SMCO4: variants seen among roughly 807,000 people sequenced by gnomAD.
SMCO4 encodes the protein single-pass membrane protein with coiled-coil domains 4, also known as single-pass membrane and coiled-coil domain-containing protein 4.
SMCO4 carries 4 observed loss-of-function variants against 3.6 expected under a neutral mutation model. That is an observed-to-expected ratio of 1.11 (90% CI 0.54 to 2.53). The LOEUF (loss-of-function observed/expected upper bound fraction) is 2.53. Ranked by LOEUF, SMCO4 falls within the 30% of genes most tolerant of loss-of-function variation. The pLI is 0.02. For synonymous variants in SMCO4, 36 were observed against 35.3 expected, an observed-to-expected ratio of 1.02 and a Z score of -0.07; for missense variants, 70 against 80.8, an observed-to-expected ratio of 0.87 and a Z score of 0.51.
At chr11:93,482,796 G>A (rs16834) in intron 2 of SMCO4, among the ~76,000 whole-genome samples, 45,261 of 152,136 alleles carry the variant, frequency 0.3, 7,174 homozygotes, top group Non-Finnish European at 0.34. Context: ...TCTGTCTTCC[G>A]GTAGCTTGTG....
intron 1 of SMCO4, among the ~76,000 whole-genome samples, chr11:93,500,280 T>C (rs1948822153): frequency 1.3e-5 from 2 of 152,226 alleles, no homozygotes; most frequent in African/African-American, 4.8e-5. Context: ...GTTGCTCCAC[T>C]GGGCCAGATG....
intron 2 of SMCO4, among the ~76,000 whole-genome samples, chr11:93,483,114 G>A (rs368342887): frequency 1.5e-3 from 231 of 152,228 alleles, no homozygotes; most frequent in Non-Finnish European, 2.0e-3. Flanking sequence ...GGGTGGCTCC[G>A]TACTGTGAGG....
chr11:93,497,802 C>T (rs878993348), intron 2 of SMCO4, among the ~76,000 whole-genome samples: 3 of 152,184 alleles, frequency 2.0e-5, no homozygotes, highest in African/African-American at 7.2e-5. Flanking sequence ...AATCTGCCGA[C>T]GTGTGTCAAA....
intron 1 of SMCO4, among the ~76,000 whole-genome samples, chr11:93,533,089 C>T (rs1263674268): frequency 1.3e-5 from 2 of 152,254 alleles, no homozygotes; most frequent in East Asian, 3.9e-4. Flanking sequence ...TTCAGAGACA[C>T]GAGAGCCAGG....
At chr11:93,533,473 A>G (rs1949182328) in intron 1 of SMCO4, among the ~76,000 whole-genome samples, 1 of 152,200 alleles carries the variant, frequency 6.6e-6, no homozygotes, top group Non-Finnish European at 1.5e-5. Context: ...AACTCCCCAG[A>G]GCACAGAGAG....
At chr11:93,529,798 C>T (rs1002679273) in intron 1 of SMCO4, among the ~76,000 whole-genome samples, 1 of 152,226 alleles carries the variant, frequency 6.6e-6, no homozygotes, top group Non-Finnish European at 1.5e-5. Context: ...TGAGGGCCAG[C>T]CTCCGCCTGG....
intron 1 of SMCO4, chr11:93,535,653 T>G (rs1288163094): frequency 1.2e-6 from 2 of 1,603,518 alleles, no homozygotes; most frequent in African/African-American, 1.3e-5. Context: ...GAGCTACCGA[T>G]GGGAAAAAGA....
At chr11:93,528,868 C>T (rs75902017) in intron 1 of SMCO4, among the ~76,000 whole-genome samples, 148 of 152,316 alleles carry the variant, frequency 9.7e-4, no homozygotes, top group African/African-American at 3.5e-3. Flanking sequence ...ATGCCGCCTA[C>T]TCAGAGCCCA....
chr11:93,547,587 G>A (rs748815967), upstream of SMCO4, among the ~76,000 whole-genome samples: 1 of 152,196 alleles, frequency 6.6e-6, no homozygotes, highest in African/African-American at 2.4e-5. Flanking sequence ...GACTGCGTTT[G>A]CTTGCCCACT....
intron 2 of SMCO4, among the ~76,000 whole-genome samples, chr11:93,496,092 G>A (rs1026390151): frequency 6.6e-6 from 1 of 152,170 alleles, no homozygotes; most frequent in Non-Finnish European, 1.5e-5. Context: ...TCACCAACAG[G>A]TTTCAAGCAA....
At chr11:93,534,375 T>TATATATATATAGAGAGAG (rs369643237) in intron 1 of SMCO4, among the ~76,000 whole-genome samples, 1 of 142,132 alleles carries the variant, frequency 7.0e-6, no homozygotes, top group African/African-American at 2.6e-5. Flanking sequence ...TATATATATA[T>TATATATATATAGAGAGAG]AGAGAGAGAG....
intron 1 of SMCO4, among the ~76,000 whole-genome samples, chr11:93,534,029 A>T (rs1209522493): frequency 6.6e-6 from 1 of 151,792 alleles, no homozygotes; most frequent in Non-Finnish European, 1.5e-5. Flanking sequence ...CATCTCTACT[A>T]AAAATACAAA....
At chr11:93,513,058 G>A (rs934147029) in intron 1 of SMCO4, among the ~76,000 whole-genome samples, 2 of 152,168 alleles carry the variant, frequency 1.3e-5, no homozygotes, top group Admixed American at 6.5e-5. Context: ...ACTATCCTAA[G>A]AGCATGGGAC....
chr11:93,499,094 G>A (rs1948808977), intron 2 of SMCO4, among the ~76,000 whole-genome samples, 182 bp downstream of exon 2: 1 of 152,120 alleles, frequency 6.6e-6, no homozygotes, highest in Admixed American at 6.5e-5. Context: ...CCCGCAGCCT[G>A]GAGGAGATCC....
At chr11:93,508,416 AC>A (rs538776530) in intron 1 of SMCO4, among the ~76,000 whole-genome samples, 6 of 152,352 alleles carry the variant, frequency 3.9e-5, no homozygotes, top group Admixed American at 3.3e-4. Context: ...AAGAAGTCAA[AC>A]TGTAGGGCGT....
chr11:93,526,798 C>T (rs1949112424), intron 1 of SMCO4, among the ~76,000 whole-genome samples: 1 of 152,104 alleles, frequency 6.6e-6, no homozygotes. Context: ...TTTTATCACT[C>T]ACTGAGAAAT....
chr11:93,492,765 G>A (rs1948733445), intron 2 of SMCO4, among the ~76,000 whole-genome samples: 2 of 152,208 alleles, frequency 1.3e-5, no homozygotes, highest in South Asian at 2.1e-4. Context: ...GTTGATGAAC[G>A]ATGAGCAAGG....
intron 1 of SMCO4, chr11:93,535,647 T>C (rs1949215419): frequency 6.2e-7 from 1 of 1,600,654 alleles, no homozygotes; most frequent in South Asian, 1.1e-5. Context: ...TGTTAAGAGC[T>C]ACCGATGGGA....
In SMCO4 at chr11:93,529,202, G is replaced by A. The variant is rs75247498; in HGVS notation, c.-154+14074C>T. Among the ~76,000 whole-genome samples the A allele has an allele frequency of 4.2e-3, 646 of 152,330 alleles. 2 individuals carry two copies. The highest frequency in any genetic ancestry group is 6.3e-3 in the Non-Finnish European group (430 of 68,026). On this transcript the variant is annotated intron_variant, in intron 1 of 2. Transcript: ENST00000298966. ...TCCTCTAAGGAAGCTCTTTTGATGT[G>A]CTAAGGAAAGAACACCCTAAAAATA...
Sources: gnomAD v4.1 joint callset for allele counts (sites outside exome capture counted in the v4.1 genomes callset) on GRCh38, gnomAD v4.1.1 for gene constraint, MANE v1.5 for transcripts, NCBI Gene and HGNC (gene_info 2026-07-23, HGNC 2026-07-21) for gene names.